PTPRN2: variants seen among roughly 807,000 people sequenced by gnomAD.
PTPRN2 encodes protein tyrosine phosphatase receptor type N2, also known as receptor-type tyrosine-protein phosphatase N2.
A neutral mutation model predicts 118.8 loss-of-function variants in PTPRN2; 74 were observed. The ratio of observed to expected loss-of-function variants is 0.62; its 90% confidence interval spans 0.52 to 0.76. The LOEUF (loss-of-function observed/expected upper bound fraction) is 0.76. Among genes scored for constraint, PTPRN2 ranks in the 30% least tolerant of loss-of-function variants. PTPRN2 has a pLI of 0.00. For missense variants in PTPRN2, 1,481 were observed against 1,394.4 expected (o/e 1.06, Z -0.99); for synonymous variants, 641 against 608.0 (o/e 1.05, Z -0.80).
In PTPRN2 at chr7:158,165,870, C is replaced by T. The variant is rs375494005; in HGVS notation, c.910+1061G>A. Among the ~76,000 whole-genome samples the T allele has an allele frequency of 2.4e-4, 37 of 152,234 alleles. No individual in the cohort carries two copies. The Middle Eastern group carries it at 0.014, about 56-fold the overall frequency. ...CGTGGCTTAACTCAGGTAGCGACAC[C>T]GGAAGCCACGGTCTTGGCAGAGCAG... On this transcript the variant is annotated intron_variant, in intron 6 of 22. Coordinates refer to ENST00000389418, the MANE Select transcript of PTPRN2 (RefSeq NM_002847.5).
intron 2 of PTPRN2, among the ~76,000 whole-genome samples, chr7:158,434,730 T>C (rs377213458): frequency 4.6e-5 from 7 of 152,206 alleles, no homozygotes; most frequent in African/African-American, 1.7e-4. Context: ...CTTTTATCCT[T>C]TATTGCTTTC....
At chr7:158,146,664 T>C (rs1380764137) in intron 6 of PTPRN2, among the ~76,000 whole-genome samples, 1 of 144,306 alleles carries the variant, frequency 6.9e-6, no homozygotes, top group Non-Finnish European at 1.5e-5. Context: ...GAGCTAGTAG[T>C]GAGCTGAGAT....
At chr7:157,820,211 CCACA>C (rs925003880) in intron 12 of PTPRN2, among the ~76,000 whole-genome samples, 14 of 148,924 alleles carry the variant, frequency 9.4e-5, no homozygotes, top group Non-Finnish European at 1.8e-4. Context: ...CACAGCAGAC[CCACA>C]CAGTCACACA....
At chr7:157,836,887 CACTT>C (rs1267871756) in intron 12 of PTPRN2, among the ~76,000 whole-genome samples, 1 of 152,004 alleles carries the variant, frequency 6.6e-6, no homozygotes, top group Non-Finnish European at 1.5e-5. Flanking sequence ...CCAAACCACC[CACTT>C]ACTCATCCAT....
At chr7:157,621,968 T>C (rs1803280648) in intron 14 of PTPRN2, among the ~76,000 whole-genome samples, 1 of 152,114 alleles carries the variant, frequency 6.6e-6, no homozygotes, top group South Asian at 2.1e-4. Flanking sequence ...GCGGGACAGC[T>C]TCTAGCATGA....
intron 11 of PTPRN2, among the ~76,000 whole-genome samples, chr7:158,035,432 G>T (rs1336505607): frequency 2.0e-5 from 3 of 152,264 alleles, no homozygotes; most frequent in Non-Finnish European, 4.4e-5. Context: ...CAGAGCTGGG[G>T]CAAAGAGCAG....
At chr7:158,289,364 T>G (rs1166874048) in intron 3 of PTPRN2, among the ~76,000 whole-genome samples, 2 of 152,200 alleles carry the variant, frequency 1.3e-5, no homozygotes, top group Non-Finnish European at 2.9e-5. Context: ...CCGTTTACTC[T>G]TTTTCTCCTC....
chr7:158,285,297 A>G (rs1799696744), intron 3 of PTPRN2, among the ~76,000 whole-genome samples: 1 of 152,166 alleles, frequency 6.6e-6, no homozygotes, highest in African/African-American at 2.4e-5. Context: ...TAGGGACAGG[A>G]GAAGGTGCCA....
intron 6 of PTPRN2, among the ~76,000 whole-genome samples, chr7:158,150,561 G>C (rs1048360162): frequency 6.6e-6 from 1 of 151,978 alleles, no homozygotes; most frequent in Non-Finnish European, 1.5e-5. Context: ...AAACAAGTGG[G>C]CATTTCTAGA....
Position 157,576,882 on chromosome 7 carries a change from G to C in PTPRN2, c.2617-103C>G. 5 of 1,210,976 alleles carry C rather than the reference G, an allele frequency of 4.1e-6. No individual in the cohort carries two copies. The South Asian group carries it at 7.8e-5, about 19-fold the overall frequency. The allele number at this position is 1,210,976 out of a possible 1,614,324, so 75.0% of individuals were successfully genotyped here. A position where few individuals can be genotyped will look rare whatever the true frequency, so the allele number is the denominator to read the frequency against. On this transcript the variant is annotated intron_variant, in intron 18 of 22. Coordinates refer to ENST00000389418, the MANE Select transcript of PTPRN2 (RefSeq NM_002847.5). ...AGGGCCACGTCTGACCAGAGAAGGG[G>C]GCGCTGCGAAGAGGGCACATTTTAC...
intron 14 of PTPRN2, among the ~76,000 whole-genome samples, chr7:157,621,883 A>G (rs547733915): frequency 6.6e-6 from 1 of 152,168 alleles, no homozygotes; most frequent in South Asian, 2.1e-4. Context: ...CATTTTTCTT[A>G]AAACCGGCGC....
chr7:157,934,552 G>T (rs1191136986), intron 11 of PTPRN2, among the ~76,000 whole-genome samples: 1 of 151,992 alleles, frequency 6.6e-6, no homozygotes, highest in Non-Finnish European at 1.5e-5. Flanking sequence ...CTATAGTATA[G>T]AACACTCCAC....
chr7:157,771,849 CAG>C (rs1321976249), intron 12 of PTPRN2, among the ~76,000 whole-genome samples: 1 of 148,248 alleles, frequency 6.7e-6, no homozygotes, highest in African/African-American at 2.5e-5. Context: ...AAGACACAAA[CAG>C]ACACACACGG....
At chr7:158,528,496 C>T (rs985399631) in intron 1 of PTPRN2, among the ~76,000 whole-genome samples, 9 of 152,164 alleles carry the variant, frequency 5.9e-5, no homozygotes, top group South Asian at 2.1e-4. Flanking sequence ...TTTAGAACCA[C>T]GCATGCTGGG....
rs1363541075 is a variant in PTPRN2 at position 158,171,334 on chromosome 7, T to C, written c.550-4043A>G. Among the ~76,000 whole-genome samples, 807 of 127,728 alleles carry C rather than the reference T, an allele frequency of 6.3e-3. 53 individuals are homozygous for C. Among genetic ancestry groups the C allele is most frequent in the African/African-American group, 0.023 (690 of 30,188 alleles). The allele number at this position is 127,728 out of a possible 152,430, so 83.8% of individuals were successfully genotyped here. ...ATATATATATATATATATATATATA[T>C]ATATATATATATATACACACACACA... On this transcript the variant is annotated intron_variant, in intron 5 of 22. Transcript: ENST00000389418.
At chr7:158,211,861 T>G (rs552028691) in intron 3 of PTPRN2, among the ~76,000 whole-genome samples, 56 of 152,326 alleles carry the variant, frequency 3.7e-4, no homozygotes, top group Non-Finnish European at 1.5e-5. Flanking sequence ...GCAATCCCAC[T>G]GCTAGGTTTA....
At chr7:157,909,385 C>G (rs1050340741) in intron 11 of PTPRN2, among the ~76,000 whole-genome samples, 1 of 152,128 alleles carries the variant, frequency 6.6e-6, no homozygotes, top group Non-Finnish European at 1.5e-5. Context: ...ACTCTATACA[C>G]TGGGGGGGGG....
intron 12 of PTPRN2, chr7:157,854,767 TG>T (rs547482547): frequency 6.5e-6 from 1 of 153,106 alleles, no homozygotes; most frequent in Non-Finnish European, 1.5e-5. Context: ...CTGGGCGTTG[TG>T]GGAAGGGCTG....
intron 2 of PTPRN2, among the ~76,000 whole-genome samples, chr7:158,334,452 AGG>A (rs1805171016): frequency 2.2e-5 from 1 of 44,496 alleles, no homozygotes; most frequent in Non-Finnish European, 5.0e-5. Flanking sequence ...TCACCATAAG[AGG>A]TGACGCCCAT....
Sources: allele counts gnomAD v4.1 joint callset (sites outside exome capture counted in the v4.1 genomes callset), GRCh38; gene constraint gnomAD v4.1.1; transcripts MANE v1.5; gene names NCBI Gene and HGNC (gene_info 2026-07-23, HGNC 2026-07-21).